ASIC2: variants seen among roughly 807,000 people sequenced by gnomAD.
ASIC2 encodes acid sensing ion channel subunit 2.
A neutral mutation model predicts 57.3 loss-of-function variants in ASIC2; 25 were observed. The observed-to-expected ratio is 0.44, with a 90% CI of 0.32 to 0.61. The LOEUF is 0.61. ASIC2 is among the 20% of genes least tolerant of loss of function. ASIC2 has a pLI of 0.06. For missense variants in ASIC2, 641 were observed against 738.1 expected, an observed-to-expected ratio of 0.87 and a Z score of 1.52; for synonymous variants, 319 against 307.5, an observed-to-expected ratio of 1.04 and a Z score of -0.39.
chr17:33,735,812 C>A (rs1909894368), intron 1 of ASIC2, among the ~76,000 whole-genome samples: 1 of 152,152 alleles, frequency 6.6e-6, no homozygotes, highest in African/African-American at 2.4e-5. Flanking sequence ...GCTGCTGTGT[C>A]CCAGTTCTGC....
intron 1 of ASIC2, among the ~76,000 whole-genome samples, chr17:34,121,071 T>C (rs573727518): frequency 3.3e-5 from 5 of 151,922 alleles, no homozygotes; most frequent in African/African-American, 1.2e-4. Context: ...AGAGGAGAAA[T>C]ATACAGGGAG....
At chr17:33,468,623 C>T (rs1001672046) in intron 1 of ASIC2, among the ~76,000 whole-genome samples, 1 of 151,636 alleles carries the variant, frequency 6.6e-6, no homozygotes, top group Non-Finnish European at 1.5e-5. Flanking sequence ...CTCATTTAAT[C>T]CTCACCACAA....
intron 1 of ASIC2, among the ~76,000 whole-genome samples, chr17:33,288,977 A>G (rs2142178617): frequency 6.6e-6 from 1 of 152,274 alleles, no homozygotes; most frequent in South Asian, 2.1e-4. Context: ...GTGTGGTTAG[A>G]GGAAAATATT....
chr17:33,610,715 A>AT (rs1905377344), intron 1 of ASIC2, among the ~76,000 whole-genome samples: 2 of 145,904 alleles, frequency 1.4e-5, no homozygotes, highest in African/African-American at 5.6e-5. Flanking sequence ...TAAATAAATA[A>AT]AAAATAAATA....
chr17:34,092,958 CA>C (rs1910385345), intron 1 of ASIC2, among the ~76,000 whole-genome samples: 1 of 152,130 alleles, frequency 6.6e-6, no homozygotes, highest in African/African-American at 2.4e-5. Context: ...ATAAAATATG[CA>C]TATTTGTCTG....
rs188174899 is a variant in ASIC2 at position 33,109,422 on chromosome 17, A to G, written c.859+2495T>C. On this transcript the variant is annotated intron_variant, in intron 2 of 9. Coordinates refer to ENST00000225823, the MANE Select transcript of ASIC2 (RefSeq NM_183377.2). Reference sequence around the variant, plus strand: ...CTAACCTGTTTCTTCTGCCCCATCCATCCCCTGCCCCTGCTTTAAACCCGT... The same window carrying G: ...CTAACCTGTTTCTTCTGCCCCATCCGTCCCCTGCCCCTGCTTTAAACCCGT... Among the ~76,000 whole-genome samples, 35 of 152,086 alleles carry G rather than the reference A, an allele frequency of 2.3e-4. No individual in the cohort carries two copies. In the East Asian group the frequency reaches 6.4e-3, roughly 28 times the overall value.
rs1904737518 is a variant in ASIC2, at chr17:34,156,701, G to T, written c.-169C>A. Reference sequence around the variant, plus strand: ...TGAGAGCCCAGCCGCACGCTGACAGGGGTGAGTGTTTATATAAAACCCATT... The same window carrying T: ...TGAGAGCCCAGCCGCACGCTGACAGTGGTGAGTGTTTATATAAAACCCATT... On this transcript the variant is annotated 5_prime_UTR_variant, in exon 1 of 10. Transcript: ENST00000359872. The surrounding 1 kb of genome is among the most constrained non-coding windows in gnomAD (Gnocchi z 4.4). 1.5e-6 allele frequency: 1 copy of T among 669,830 alleles called. No homozygotes were observed. Among genetic ancestry groups the T allele is most frequent in the Non-Finnish European group, 2.5e-6 (1 of 403,800 alleles). The allele number at this position is 669,830 out of a possible 1,614,324, so 41.5% of individuals were successfully genotyped here. A position where few individuals can be genotyped will look rare whatever the true frequency, so the allele number is the denominator to read the frequency against.
intron 1 of ASIC2, among the ~76,000 whole-genome samples, chr17:33,337,086 C>G (rs1438760822): frequency 6.6e-6 from 1 of 152,056 alleles, no homozygotes; most frequent in Non-Finnish European, 1.5e-5. Flanking sequence ...GGGGGTCCTG[C>G]CCCCTCACAG....
At chr17:33,135,459 C>A (rs1036147647) in intron 1 of ASIC2, among the ~76,000 whole-genome samples, 10 of 152,186 alleles carry the variant, frequency 6.6e-5, no homozygotes, top group African/African-American at 2.4e-4. Context: ...TCCATCTCTC[C>A]ATTTGACTCC....
At chr17:33,105,456 T>C (rs2092231120) in intron 2 of ASIC2, among the ~76,000 whole-genome samples, 1 of 152,234 alleles carries the variant, frequency 6.6e-6, no homozygotes, top group Non-Finnish European at 1.5e-5. Flanking sequence ...ACCTTCTTTT[T>C]ATTTATGAAT....
At chr17:33,737,896 C>T (rs1420124821) in intron 1 of ASIC2, among the ~76,000 whole-genome samples, 3 of 152,204 alleles carry the variant, frequency 2.0e-5, no homozygotes, top group Admixed American at 6.5e-5. Context: ...GCAAATGACC[C>T]CAACTCTTCT....
intron 1 of ASIC2, among the ~76,000 whole-genome samples, chr17:33,577,102 A>G (rs1328456241): frequency 1.3e-5 from 2 of 152,116 alleles, no homozygotes; most frequent in African/African-American, 4.8e-5. Context: ...TCTGGCCAGA[A>G]TACCCAACTG....
intron 1 of ASIC2, among the ~76,000 whole-genome samples, chr17:33,637,732 C>G (rs1262953133): frequency 1.3e-5 from 2 of 152,198 alleles, no homozygotes; most frequent in Non-Finnish European, 2.9e-5. Flanking sequence ...ACCTGACTAC[C>G]TGACTGGTAC....
chr17:33,082,213 C>T (rs9895644), intron 3 of ASIC2, among the ~76,000 whole-genome samples: 34,758 of 151,910 alleles, frequency 0.23, 4,390 homozygotes, highest in South Asian at 0.38. Flanking sequence ...GGAAATTTCC[C>T]GAACAATAAC....
intron 1 of ASIC2, among the ~76,000 whole-genome samples, chr17:33,790,216 A>C (rs1167871529): frequency 6.6e-6 from 1 of 152,218 alleles, no homozygotes; most frequent in Non-Finnish European, 1.5e-5. Context: ...AGACCTGGAC[A>C]CATAGCAGTA....
intron 1 of ASIC2, among the ~76,000 whole-genome samples, chr17:33,797,449 T>C (rs1911950354): frequency 6.6e-6 from 1 of 152,216 alleles, no homozygotes; most frequent in African/African-American, 2.4e-5. Context: ...TTAGGCGGTA[T>C]TATTGCATCC....
intron 3 of ASIC2, among the ~76,000 whole-genome samples, chr17:33,054,818 G>C (rs546469711): frequency 6.6e-6 from 1 of 152,162 alleles, no homozygotes; most frequent in Non-Finnish European, 1.5e-5. Context: ...ATTATGCCAC[G>C]GCATGGGAAG....
At chr17:33,071,867 C>T (rs2092070683) in intron 3 of ASIC2, among the ~76,000 whole-genome samples, 1 of 152,140 alleles carries the variant, frequency 6.6e-6, no homozygotes, top group Admixed American at 6.5e-5. Context: ...ATGAGGGTTT[C>T]CAGTTTGACT....
intron 1 of ASIC2, among the ~76,000 whole-genome samples, chr17:33,597,926 G>C (rs536210112): frequency 6.6e-6 from 1 of 151,864 alleles, no homozygotes; most frequent in Non-Finnish European, 1.5e-5. Flanking sequence ...AATTCAATAC[G>C]TGCAGAATGT....
Sources: allele counts gnomAD v4.1 joint callset (sites outside exome capture counted in the v4.1 genomes callset), GRCh38; gene constraint gnomAD v4.1.1; non-coding constraint Gnocchi (gnomAD v3.1); transcripts MANE v1.5; gene names NCBI Gene and HGNC (gene_info 2026-07-23, HGNC 2026-07-21).